The following ERC2 variants were observed in gnomAD, a reference collection of about 807,000 sequenced individuals.
ERC2 encodes the protein ELKS/RAB6-interacting/CAST family member 2, also known as ERC protein 2.
ERC2 carries 42 observed loss-of-function variants against 114.8 expected under a neutral mutation model. The ratio of observed to expected loss-of-function variants is 0.37; its 90% CI spans 0.29 to 0.47. ERC2 has a LOEUF of 0.47. Among genes scored for constraint, ERC2 ranks in the 20% least tolerant of loss-of-function variants. The probability of loss-of-function intolerance (pLI) is 0.99; values close to 1 mark genes in which losing one functional copy is unlikely to be tolerated. For synonymous variants in ERC2, 454 were observed against 425.5 expected, an observed-to-expected ratio of 1.07 and a Z score of -0.82; for missense variants, 939 against 1,150.7, an observed-to-expected ratio of 0.82 and a Z score of 2.66.
At chr3:56,040,205 C>T (rs1438470062) in intron 7 of ERC2, among the ~76,000 whole-genome samples, 1 of 152,066 alleles carries the variant, frequency 6.6e-6, no homozygotes, top group East Asian at 1.9e-4. Context: ...AACACCAAAA[C>T]AGATGTTACA....
chr3:56,402,969 C>T (rs968358631), intron 2 of ERC2, among the ~76,000 whole-genome samples: 1 of 152,162 alleles, frequency 6.6e-6, no homozygotes, highest in South Asian at 2.1e-4. Context: ...GGCCTCGACC[C>T]GTTAAATGCC....
chr3:55,888,493 T>A lies in ERC2; in HGVS notation c.2460A>T (p.Lys820Asn). 1 of 1,613,864 alleles carries A rather than the reference T, an allele frequency of 6.2e-7. No individual in the cohort carries two copies. The highest frequency in any genetic ancestry group is 8.5e-7 in the Non-Finnish European group (1 of 1,179,834). Reference protein sequence around the residue: ...EKTRQELDATKARLASTQQSL... With the variant: ...EKTRQELDATNARLASTQQSL... The stretch of plus-strand genomic sequence containing the variant: ...ACTGTTGTGTGGAGGCGAGGCGTGC[T>A]TTGGTGGCATCCAGTTCCTGTCTGG... The change falls in exon 14 of 18, where the codon AAA (lysine) becomes AAT (asparagine). Residue 820 changes from lysine (K) to asparagine (N), a missense_variant. Transcript: ENST00000288221.
intron 3 of ERC2, among the ~76,000 whole-genome samples, chr3:56,229,323 A>G (rs1265557563): frequency 6.6e-6 from 1 of 152,212 alleles, no homozygotes; most frequent in Non-Finnish European, 1.5e-5. Flanking sequence ...TGCATTATAC[A>G]TAGAAGGTGC....
chr3:55,978,521 G>A (rs116461096), intron 12 of ERC2, among the ~76,000 whole-genome samples: 5,209 of 152,176 alleles, frequency 0.034, 120 homozygotes, highest in Non-Finnish European at 0.051. Context: ...CTTCTCTCTC[G>A]TATCAACTCC....
chr3:56,417,683 G>A (rs949126791), intron 2 of ERC2, among the ~76,000 whole-genome samples: 1 of 152,162 alleles, frequency 6.6e-6, no homozygotes, highest in Non-Finnish European at 1.5e-5. Context: ...CAGCTAGAAA[G>A]GAACCTAGGT....
chr3:55,630,656 G>A (rs2059716015), intron 17 of ERC2, among the ~76,000 whole-genome samples: 1 of 152,188 alleles, frequency 6.6e-6, no homozygotes, highest in South Asian at 2.1e-4. Context: ...AGACACTACT[G>A]TAGGGGCTTC....
chr3:55,923,203 C>T lies in ERC2; in HGVS notation c.2403+27222G>A, dbSNP rs983326749. ...CAATGGAAAATATTCCATTATTCAT[C>T]CTTAAAAAGGAAAATTCTGACACAT... On this transcript the variant is annotated intron_variant, in intron 13 of 17. Coordinates refer to ENST00000288221, the MANE Select transcript of ERC2 (RefSeq NM_015576.3). 2.0e-5 allele frequency among the ~76,000 whole-genome samples: 3 copies of T among 152,068 alleles called. No homozygotes were observed. The East Asian group carries it at 5.8e-4, about 29-fold the overall frequency.
chr3:56,123,783 C>T (rs946253736), intron 6 of ERC2, among the ~76,000 whole-genome samples: 3 of 152,126 alleles, frequency 2.0e-5, no homozygotes, highest in Admixed American at 6.5e-5. Context: ...TCTGTAATGC[C>T]GGTCTTGACT....
At chr3:56,272,759 T>C (rs895139364) in intron 3 of ERC2, among the ~76,000 whole-genome samples, 1 of 152,182 alleles carries the variant, frequency 6.6e-6, no homozygotes, top group Non-Finnish European at 1.5e-5. Flanking sequence ...GACAGAGATT[T>C]TGTCTCAATA....
chr3:55,845,814 T>C (rs57059589), intron 14 of ERC2, among the ~76,000 whole-genome samples: 25,668 of 152,180 alleles, frequency 0.17, 2,442 homozygotes, highest in East Asian at 0.23. Context: ...ACTAAATTTT[T>C]CAATAAGGCA....
chr3:56,169,657 G>GT (rs1307689861), intron 4 of ERC2, among the ~76,000 whole-genome samples: 3 of 151,960 alleles, frequency 2.0e-5, no homozygotes, highest in African/African-American at 7.3e-5. Flanking sequence ...CAATACCCCT[G>GT]TTTTTTTCCA....
chr3:55,862,082 T>G (rs1381530530), intron 14 of ERC2, among the ~76,000 whole-genome samples: 1 of 152,226 alleles, frequency 6.6e-6, no homozygotes, highest in Non-Finnish European at 1.5e-5. Context: ...CTCCAATTTT[T>G]GATTACATAC....
At chr3:56,424,861 C>A (rs1003224504) in intron 2 of ERC2, among the ~76,000 whole-genome samples, 2 of 152,144 alleles carry the variant, frequency 1.3e-5, no homozygotes, top group Non-Finnish European at 2.9e-5. Flanking sequence ...ACTATATTAT[C>A]CAGTTCTAAA....
chr3:55,944,168 C>T (rs1174436931), intron 13 of ERC2, among the ~76,000 whole-genome samples: 1 of 152,212 alleles, frequency 6.6e-6, no homozygotes, highest in Non-Finnish European at 1.5e-5. Context: ...ACTCTACCCC[C>T]ATAATAACAA....
At chr3:56,280,148 C>T (rs1211266622) in intron 3 of ERC2, among the ~76,000 whole-genome samples, 1 of 152,036 alleles carries the variant, frequency 6.6e-6, no homozygotes, top group Non-Finnish European at 1.5e-5. Context: ...GAAAATGTTT[C>T]AGTGTTGGCT....
chr3:56,081,791 G>A (rs1166932863), intron 6 of ERC2, among the ~76,000 whole-genome samples: 1 of 151,976 alleles, frequency 6.6e-6, no homozygotes, highest in African/African-American at 2.4e-5. Flanking sequence ...AAAAAGAAAT[G>A]AGACAACAAA....
At chr3:56,195,930 T>C (rs2048073874) in intron 3 of ERC2, among the ~76,000 whole-genome samples, 1 of 152,154 alleles carries the variant, frequency 6.6e-6, no homozygotes, top group Non-Finnish European at 1.5e-5. Flanking sequence ...TGTGTAAACC[T>C]GACCATCAGG....
At chr3:56,401,830 T>G (rs1363822606) in intron 2 of ERC2, among the ~76,000 whole-genome samples, 1 of 152,154 alleles carries the variant, frequency 6.6e-6, no homozygotes, top group Admixed American at 6.5e-5. Flanking sequence ...CCATAGGCAG[T>G]GTATTTTTCT....
chr3:55,923,124 C>G (rs1411490610), intron 13 of ERC2, among the ~76,000 whole-genome samples: 1 of 152,060 alleles, frequency 6.6e-6, no homozygotes, highest in African/African-American at 2.4e-5. Context: ...GAAGTAGAAA[C>G]AACCCAAGTG....
Sources: allele counts gnomAD v4.1 joint callset (sites outside exome capture counted in the v4.1 genomes callset), GRCh38; gene constraint gnomAD v4.1.1; transcripts MANE v1.5; gene names NCBI Gene and HGNC (gene_info 2026-07-23, HGNC 2026-07-21).